The following CAMK2D variants were observed in gnomAD, a reference collection of about 807,000 sequenced individuals.
The protein encoded by CAMK2D is calcium/calmodulin-dependent protein kinase type II subunit delta.
In CAMK2D, 37 loss-of-function variants were observed where a neutral mutation model predicts 84.0. The ratio of observed to expected loss-of-function variants is 0.44; its 90% CI spans 0.34 to 0.58. The LOEUF is 0.58. CAMK2D is among the 20% of genes least tolerant of loss of function. The pLI, the probability that CAMK2D is intolerant of heterozygous loss-of-function variation, is 0.02. For synonymous variants in CAMK2D, 202 were observed against 212.5 expected, an observed-to-expected ratio of 0.95 and a Z score of 0.43; for missense variants, 448 against 652.5, an observed-to-expected ratio of 0.69 and a Z score of 3.41.
intron 2 of CAMK2D, chr4:113,677,498 C>T (rs2099323268): frequency 2.6e-6 from 2 of 768,070 alleles, no homozygotes; most frequent in South Asian, 5.9e-5. Flanking sequence ...TCTGATACAA[C>T]TTGGCTTACT....
At chr4:113,726,937 A>C (rs1289750115) in intron 2 of CAMK2D, among the ~76,000 whole-genome samples, 3 of 152,194 alleles carry the variant, frequency 2.0e-5, no homozygotes, top group Non-Finnish European at 1.5e-5. Context: ...ACTCACTTTC[A>C]CATGAGATAC....
At chr4:113,689,633 C>G (rs1400557986) in intron 2 of CAMK2D, among the ~76,000 whole-genome samples, 1 of 152,086 alleles carries the variant, frequency 6.6e-6, no homozygotes, top group African/African-American at 2.4e-5. Context: ...AAATATTCTC[C>G]CCTTGCTTTT....
At position 113,454,514 on chromosome 4, in the gene CAMK2D, A is replaced by G; in HGVS notation, c.*31T>C. On this transcript the variant is annotated splice_region_variant and 3_prime_UTR_variant, in exon 21 of 21. Transcript: ENST00000511664. ...TGCAGAAGTGGCACTGTTGAAATTT[A>G]GCTGAAAGGAGAAAGGGGGAGGAAG... 1.3e-6 allele frequency: 1 copy of G among 779,108 alleles called. No individual in the cohort carries two copies. Among genetic ancestry groups the G allele is most frequent in the African/African-American group, 1.7e-5 (1 of 59,156 alleles). The allele number at this position is 779,108 out of a possible 1,614,324, so 48.3% of individuals were successfully genotyped here.
At chr4:113,495,895 G>T (rs2097921069) in intron 16 of CAMK2D, among the ~76,000 whole-genome samples, 1 of 152,144 alleles carries the variant, frequency 6.6e-6, no homozygotes, top group Non-Finnish European at 1.5e-5. Context: ...TGACAGAAAT[G>T]ACACAAGGGC....
At chr4:113,682,737 A>C (rs1312569410) in intron 2 of CAMK2D, among the ~76,000 whole-genome samples, 2 of 152,194 alleles carry the variant, frequency 1.3e-5, no homozygotes, top group Non-Finnish European at 2.9e-5. Flanking sequence ...TCATCTTAGC[A>C]TTTGGTTCAG....
chr4:113,623,760 GTGT>G (rs908847218), intron 3 of CAMK2D, among the ~76,000 whole-genome samples: 2 of 152,018 alleles, frequency 1.3e-5, no homozygotes, highest in Non-Finnish European at 2.9e-5. Flanking sequence ...GTGTGTGTGT[GTGT>G]TATGTTTTAA....
At chr4:113,492,696 T>C (rs954315287) in intron 16 of CAMK2D, among the ~76,000 whole-genome samples, 18 of 149,736 alleles carry the variant, frequency 1.2e-4, no homozygotes, top group African/African-American at 4.5e-4. Context: ...CTGGTTATCC[T>C]TGTTGACTTT....
chr4:113,491,948 T>G (rs2097850017), intron 16 of CAMK2D, among the ~76,000 whole-genome samples: 1 of 152,152 alleles, frequency 6.6e-6, no homozygotes, highest in African/African-American at 2.4e-5. Flanking sequence ...TGTAGTATTC[T>G]CTGATGGTAG....
chr4:113,669,982 C>T (rs905241130), intron 2 of CAMK2D, among the ~76,000 whole-genome samples: 16 of 152,124 alleles, frequency 1.1e-4, no homozygotes, highest in Non-Finnish European at 2.4e-4. Context: ...GTCAACAGTA[C>T]CATTTAAAAC....
intron 3 of CAMK2D, among the ~76,000 whole-genome samples, chr4:113,640,676 T>C (rs2099129203): frequency 6.6e-6 from 1 of 152,100 alleles, no homozygotes; most frequent in Non-Finnish European, 1.5e-5. Flanking sequence ...ATGAGAGCAA[T>C]TTCTTAGGAA....
intron 2 of CAMK2D, among the ~76,000 whole-genome samples, chr4:113,713,181 T>C (rs2099499569): frequency 6.6e-6 from 1 of 151,946 alleles, no homozygotes; most frequent in Non-Finnish European, 1.5e-5. Context: ...CAAACAGTCC[T>C]GAATGACCAA....
intron 2 of CAMK2D, among the ~76,000 whole-genome samples, chr4:113,675,200 C>T (rs1040773441): frequency 1.3e-5 from 2 of 152,110 alleles, no homozygotes; most frequent in East Asian, 1.9e-4. Flanking sequence ...TAGATTCTCA[C>T]TGAAAAACAT....
rs570780741 is a variant in CAMK2D, at chr4:113,735,489, C to A, written c.160+23831G>T. Among the ~76,000 whole-genome samples, 5 of 151,304 alleles carry A rather than the reference C, an allele frequency of 3.3e-5. No individual in the cohort carries two copies. In the East Asian group the frequency reaches 9.7e-4, roughly 29 times the overall value. On this transcript the variant is annotated intron_variant, in intron 2 of 20. Transcript: ENST00000511664. Reference sequence around the variant, plus strand: ...GACCGTCTCAAAAAACAAACAACAACAAAACACAATTTGTACAATACACAA... The same window carrying A: ...GACCGTCTCAAAAAACAAACAACAAAAAAACACAATTTGTACAATACACAA...
chr4:113,617,503 G>A (rs1054872604), intron 3 of CAMK2D, among the ~76,000 whole-genome samples: 2 of 151,618 alleles, frequency 1.3e-5, no homozygotes, highest in Non-Finnish European at 2.9e-5. Context: ...GACATCTGTC[G>A]TGGTCTATCT....
intron 2 of CAMK2D, among the ~76,000 whole-genome samples, chr4:113,737,666 T>TA (rs201979436): frequency 1.6e-3 from 239 of 152,296 alleles, no homozygotes; most frequent in African/African-American, 5.3e-3. Flanking sequence ...TTCCATAATA[T>TA]AAAAAATCTT....
At chr4:113,517,842 C>T (rs557652353) in intron 8 of CAMK2D, among the ~76,000 whole-genome samples, 185 bp from the exon 9 acceptor site, 3 of 152,252 alleles carry the variant, frequency 2.0e-5, no homozygotes, top group Non-Finnish European at 2.9e-5. Flanking sequence ...TGCTTCTCCT[C>T]CTATGCTCCA....
chr4:113,583,149 A>C (rs777617577), intron 4 of CAMK2D, among the ~76,000 whole-genome samples: 1 of 151,710 alleles, frequency 6.6e-6, no homozygotes, highest in Non-Finnish European at 1.5e-5. Context: ...GTCTCCACCC[A>C]GTTTGCTGAG....
rs533802336 is a variant in CAMK2D at position 113,687,260 on chromosome 4, C to T, written c.161-25488G>A. Reference sequence around the variant, plus strand: ...AACACATATTGGAGTATGTGGTAACCTTTTTATATGTTCCCAAGTAAAACC... The same window carrying T: ...AACACATATTGGAGTATGTGGTAACTTTTTTATATGTTCCCAAGTAAAACC... On this transcript the variant is annotated intron_variant, in intron 2 of 20. Coordinates refer to ENST00000511664, the MANE Select transcript of CAMK2D (RefSeq NM_001321571.2). Among the ~76,000 whole-genome samples, 12 of 152,232 alleles carry T rather than the reference C, an allele frequency of 7.9e-5. No individual in the cohort carries two copies. In the South Asian group the frequency reaches 2.5e-3, roughly 32 times the overall value.
intron 4 of CAMK2D, among the ~76,000 whole-genome samples, chr4:113,581,694 T>C (rs1313376533): frequency 6.6e-6 from 1 of 152,164 alleles, no homozygotes; most frequent in Non-Finnish European, 1.5e-5. Context: ...TTCCCACTAC[T>C]ACAGCCTTCT....
Sources: gnomAD v4.1 joint callset for allele counts (sites outside exome capture counted in the v4.1 genomes callset) on GRCh38, gnomAD v4.1.1 for gene constraint, MANE v1.5 for transcripts, NCBI Gene and HGNC (gene_info 2026-07-23, HGNC 2026-07-21) for gene names.